Variants in FHOD3 observed in about 807,000 individuals in gnomAD.
FHOD3 encodes formin homology 2 domain containing 3.
Under a neutral mutation model 173.0 loss-of-function variants are expected in FHOD3, and 90 were observed. The ratio of observed to expected loss-of-function variants is 0.52; its 90% CI spans 0.44 to 0.62. The LOEUF (loss-of-function observed/expected upper bound fraction) is 0.62, where lower values mean the gene tolerates loss of function less well. Ranked by LOEUF, FHOD3 falls within the 20% of genes least tolerant of loss-of-function variation. FHOD3 has a pLI of 0.00. For missense variants in FHOD3, 1,945 were observed against 2,034.7 expected, an observed-to-expected ratio of 0.96 and a Z score of 0.85; for synonymous variants, 828 against 823.0, an observed-to-expected ratio of 1.01 and a Z score of -0.10.
rs143591350 is a variant in FHOD3, at chr18:36,664,490, A to G, written c.1835+6302A>G. ...TACATCCAAAGCACGCAAGAGAAGC[A>G]CTGGTTCTGTTGATGCAGTAAGTTC... On this transcript the variant is annotated intron_variant, in intron 14 of 28. Transcript: ENST00000590592. Among the ~76,000 whole-genome samples, 173 of 152,266 alleles carry G rather than the reference A, an allele frequency of 1.1e-3. 1 individual carries two copies. In the South Asian group the frequency reaches 0.013, roughly 11 times the overall value.
At chr18:36,706,279 C>T (rs2039873748) in intron 17 of FHOD3, among the ~76,000 whole-genome samples, 1 of 152,130 alleles carries the variant, frequency 6.6e-6, no homozygotes, top group Non-Finnish European at 1.5e-5. Flanking sequence ...ATGTGTGTGA[C>T]AGTTATTTAA....
At chr18:36,708,083 A>C (rs768690397) in intron 17 of FHOD3, among the ~76,000 whole-genome samples, 2 of 152,180 alleles carry the variant, frequency 1.3e-5, no homozygotes, top group Non-Finnish European at 2.9e-5. Flanking sequence ...AAATAAATAA[A>C]AATAAAAAAA....
At chr18:36,526,038 G>A (rs2056495474) in intron 5 of FHOD3, among the ~76,000 whole-genome samples, 1 of 152,248 alleles carries the variant, frequency 6.6e-6, no homozygotes, top group South Asian at 2.1e-4. Flanking sequence ...TGGGCACTGG[G>A]CCACCCTTGC....
chr18:36,567,981 G>C (rs2058324279), intron 5 of FHOD3, among the ~76,000 whole-genome samples: 1 of 151,738 alleles, frequency 6.6e-6, no homozygotes, highest in African/African-American at 2.4e-5. Flanking sequence ...GAAATTAAGT[G>C]GCTGAACAAG....
intron 1 of FHOD3, among the ~76,000 whole-genome samples, chr18:36,304,376 G>A (rs2144496725): frequency 6.6e-6 from 1 of 152,298 alleles, no homozygotes; most frequent in African/African-American, 2.4e-5. Flanking sequence ...TTATAGGTAT[G>A]TGGGGAGGGC....
At chr18:36,666,813 T>G (rs1409233226) in intron 14 of FHOD3, among the ~76,000 whole-genome samples, 2 of 152,212 alleles carry the variant, frequency 1.3e-5, no homozygotes, top group African/African-American at 4.8e-5. Flanking sequence ...AAACAGCACA[T>G]AAGTTTTGGC....
chr18:36,608,913 G>C (rs1309334912), intron 8 of FHOD3, among the ~76,000 whole-genome samples: 1 of 152,222 alleles, frequency 6.6e-6, no homozygotes, highest in Non-Finnish European at 1.5e-5. Flanking sequence ...TGTTGAAGGA[G>C]ATTTGTGTGT....
At chr18:36,763,977 A>G (rs1466216223) in intron 27 of FHOD3, among the ~76,000 whole-genome samples, 4 of 152,210 alleles carry the variant, frequency 2.6e-5, no homozygotes. Context: ...GAATTGGGAG[A>G]AGAAAATAAT....
intron 14 of FHOD3, among the ~76,000 whole-genome samples, chr18:36,675,626 G>A (rs2037807521): frequency 6.6e-6 from 1 of 152,178 alleles, no homozygotes; most frequent in African/African-American, 2.4e-5. Context: ...TTGCCAGTGG[G>A]AAGGGTCTAG....
Position 36,297,724 on chromosome 18 carries a change from T to C in FHOD3, c.-112T>C, listed in dbSNP as rs188660514. 676,627 of 756,258 alleles carry C rather than the reference T, an allele frequency of 0.89. 303,252 individuals are homozygous for C. The highest frequency in any genetic ancestry group is 1 in the East Asian group (16,101 of 16,130). 46.8% of individuals were successfully genotyped at this position (756,258 alleles called of 1,614,324 possible). ...AGCCCGGCGCGCCTGAGCCTGCGAGTCCGCGAGCCAGCGAGCTGCGGCTGC... is the reference window on the plus strand; with the variant it reads ...AGCCCGGCGCGCCTGAGCCTGCGAGCCCGCGAGCCAGCGAGCTGCGGCTGC... On this transcript the variant is annotated 5_prime_UTR_variant, in exon 1 of 29. Coordinates refer to ENST00000590592, the MANE Select transcript of FHOD3 (RefSeq NM_001281740.3).
chr18:36,502,602 C>G (rs531283232), intron 4 of FHOD3, among the ~76,000 whole-genome samples: 1 of 152,240 alleles, frequency 6.6e-6, no homozygotes, highest in African/African-American at 2.4e-5. Flanking sequence ...GCATAGTGTT[C>G]CATGGGGGTA....
At chr18:36,299,707 A>G (rs2091907211) in intron 1 of FHOD3, among the ~76,000 whole-genome samples, 1 of 152,156 alleles carries the variant, frequency 6.6e-6, no homozygotes, top group African/African-American at 2.4e-5. Context: ...GCCCCAGCAG[A>G]GCAGTTGCAC....
intron 3 of FHOD3, among the ~76,000 whole-genome samples, chr18:36,412,766 G>T (rs935571406): frequency 6.6e-6 from 1 of 152,234 alleles, no homozygotes; most frequent in African/African-American, 2.4e-5. Context: ...GTTAGGTATA[G>T]AAGTCTAATG....
intron 17 of FHOD3, among the ~76,000 whole-genome samples, chr18:36,704,752 G>A (rs1194841889): frequency 6.6e-6 from 1 of 152,150 alleles, no homozygotes; most frequent in Non-Finnish European, 1.5e-5. Flanking sequence ...GAGGGCTTCG[G>A]AAGGCAGTTC....
intron 12 of FHOD3, 111 bp downstream of exon 12, chr18:36,653,040 C>A: frequency 7.2e-7 from 1 of 1,382,720 alleles, no homozygotes; most frequent in Non-Finnish European, 9.5e-7. Context: ...TGGATTTCAG[C>A]CCAAGCAGGG....
At chr18:36,689,570 C>T (rs2149471320) in intron 16 of FHOD3, among the ~76,000 whole-genome samples, 1 of 152,216 alleles carries the variant, frequency 6.6e-6, no homozygotes, top group South Asian at 2.1e-4. Flanking sequence ...ACTTCTCATC[C>T]TTTTAAGTAT....
chr18:36,453,759 C>T (rs1184096576), intron 3 of FHOD3, among the ~76,000 whole-genome samples: 1 of 152,072 alleles, frequency 6.6e-6, no homozygotes, highest in African/African-American at 2.4e-5. Context: ...AGGCTGGGAG[C>T]AAAGAAGCCG....
chr18:36,337,422 C>G (rs1438329548), intron 1 of FHOD3, among the ~76,000 whole-genome samples: 4 of 152,138 alleles, frequency 2.6e-5, no homozygotes, highest in African/African-American at 4.8e-5. Flanking sequence ...CCAAACCTTT[C>G]TCAAACACAA....
intron 6 of FHOD3, among the ~76,000 whole-genome samples, chr18:36,579,327 C>A (rs1212597297): frequency 6.6e-6 from 1 of 152,136 alleles, no homozygotes; most frequent in African/African-American, 2.4e-5. Flanking sequence ...AACAACTTGC[C>A]CTATTTCTAA....
Sources: allele counts gnomAD v4.1 joint callset (sites outside exome capture counted in the v4.1 genomes callset), GRCh38; gene constraint gnomAD v4.1.1; transcripts MANE v1.5; gene names NCBI Gene and HGNC (gene_info 2026-07-23, HGNC 2026-07-21).